Variants in CTCF observed in about 807,000 individuals in gnomAD.
CTCF encodes the protein CCCTC-binding factor.
Under a neutral mutation model 72.3 loss-of-function variants are expected in CTCF, and 7 were observed. The observed-to-expected ratio is 0.10, with a 90% CI of 0.06 to 0.18. The LOEUF is 0.18. Ranked by LOEUF, CTCF falls within the 10% of genes least tolerant of loss-of-function variation. The probability of loss-of-function intolerance (pLI) is 1.00; values close to 1 mark genes in which losing one functional copy is unlikely to be tolerated. For missense variants in CTCF, 516 were observed against 949.1 expected (o/e 0.54, Z 6.00); for synonymous variants, 374 against 315.8 (o/e 1.18, Z -1.95).
intron 2 of CTCF, among the ~76,000 whole-genome samples, chr16:67,608,949 C>T (rs1457308397): frequency 2.6e-5 from 4 of 152,108 alleles, no homozygotes; most frequent in Non-Finnish European, 5.9e-5. Flanking sequence ...CCATGTTGTT[C>T]AGGGTGGTCT....
At chr16:67,589,444 G>A (rs1256152277) in intron 2 of CTCF, among the ~76,000 whole-genome samples, 1 of 152,100 alleles carries the variant, frequency 6.6e-6, no homozygotes, top group Non-Finnish European at 1.5e-5. Flanking sequence ...TCTGTAGTTT[G>A]TCAGGCAAGG....
At chr16:67,565,383 G>T (rs1597670961) in intron 1 of CTCF, among the ~76,000 whole-genome samples, 1 of 151,952 alleles carries the variant, frequency 6.6e-6, no homozygotes. Flanking sequence ...GCCTATTTAA[G>T]AGTAGTTGTG....
At chr16:67,587,385 C>T (rs1166052238) in intron 2 of CTCF, among the ~76,000 whole-genome samples, 7 of 152,058 alleles carry the variant, frequency 4.6e-5, no homozygotes, top group Non-Finnish European at 1.0e-4. Flanking sequence ...GTTAACTTTA[C>T]AGGACAACCC....
chr16:67,596,675 C>T (rs1051345830), intron 2 of CTCF, among the ~76,000 whole-genome samples: 5 of 152,084 alleles, frequency 3.3e-5, no homozygotes, highest in Non-Finnish European at 7.4e-5. Flanking sequence ...ACCTCCACCT[C>T]CCTGGTTCAA....
At chr16:67,575,791 C>G (rs1031676033) in intron 2 of CTCF, among the ~76,000 whole-genome samples, 2 of 151,874 alleles carry the variant, frequency 1.3e-5, no homozygotes, top group African/African-American at 4.8e-5. Context: ...TCGATGACCA[C>G]CAGATAATAC....
At chr16:67,564,966 T>G (rs1253484530) in intron 1 of CTCF, among the ~76,000 whole-genome samples, 1 of 152,144 alleles carries the variant, frequency 6.6e-6, no homozygotes, top group Non-Finnish European at 1.5e-5. Flanking sequence ...ACGGAGAGAA[T>G]AAATTGAGGA....
Position 67,636,791 on chromosome 16 carries a change from C to T in CTCF, c.1939C>T (p.Pro647Ser). Residue 647 changes from proline (P) to serine (S), a missense_variant, in exon 11 of 12, where the codon CCC becomes TCC. By Grantham distance (74) the Pro-to-Ser change is moderately conservative. Around this residue, in one of 7 missense-constraint regions of CTCF, gnomAD observed 157 missense variants for 172.9 expected, o/e 0.91. Transcript: ENST00000264010. ...TCAGCCTGTGACCCCAGCCCCACCA[C>T]CCGCCAAGAAGCGGAGAGGACGACC... is the stretch of plus-strand genomic sequence containing the variant. ...EPQPVTPAPPPAKKRRGRPPG... is the reference protein window; with the variant it reads ...EPQPVTPAPPSAKKRRGRPPG... The T allele has an allele frequency of 1.2e-6, 2 of 1,602,800 alleles. No individual in the cohort carries two copies. The highest frequency in any genetic ancestry group is 1.7e-6 in the Non-Finnish European group (2 of 1,174,590).
intron 1 of CTCF, among the ~76,000 whole-genome samples, chr16:67,565,058 G>A (rs2051324463): frequency 1.3e-5 from 2 of 151,702 alleles, no homozygotes; most frequent in South Asian, 4.2e-4. Context: ...TGGAGTGGCA[G>A]TGGTGCGATC....
chr16:67,567,267 A>C (rs1044095493), intron 1 of CTCF, among the ~76,000 whole-genome samples: 2 of 152,188 alleles, frequency 1.3e-5, no homozygotes, highest in African/African-American at 4.8e-5. Context: ...TAGACTGCCA[A>C]AATACAGTCC....
chr16:67,578,590 C>T (rs2142734722), intron 2 of CTCF, among the ~76,000 whole-genome samples: 1 of 151,498 alleles, frequency 6.6e-6, no homozygotes, highest in East Asian at 2.0e-4. Flanking sequence ...ACCTCGGCCT[C>T]CCAAATTGCT....
intron 10 of CTCF, among the ~76,000 whole-genome samples, chr16:67,631,688 CCCCTTTTTTTTTT>C (rs2142875757): frequency 8.3e-6 from 1 of 120,270 alleles, no homozygotes; most frequent in African/African-American, 2.9e-5. Context: ...CCACCCCCCC[CCCCTTTTTTTTTT>C]CCTTTTTTTA....
At chr16:67,594,288 G>A (rs146488429) in intron 2 of CTCF, among the ~76,000 whole-genome samples, 180 of 151,826 alleles carry the variant, frequency 1.2e-3, no homozygotes, top group Non-Finnish European at 1.3e-3. Context: ...GGAGGCTGAG[G>A]TAGGAGGATC....
intron 2 of CTCF, among the ~76,000 whole-genome samples, chr16:67,575,752 A>G (rs528097791): frequency 1.3e-5 from 2 of 152,110 alleles, no homozygotes; most frequent in South Asian, 2.1e-4. Context: ...CAAGTTGGTT[A>G]TTGTATATAT....
At chr16:67,633,020 G>T (rs1318463763) in intron 10 of CTCF, among the ~76,000 whole-genome samples, 2 of 152,186 alleles carry the variant, frequency 1.3e-5, no homozygotes, top group African/African-American at 4.8e-5. Flanking sequence ...AACAGCCCCA[G>T]ACTGAGGGCA....
At chr16:67,623,240 GCTGCTACAC>G (rs1223398350) in intron 7 of CTCF, 3 of 152,226 alleles carry the variant, frequency 2.0e-5, no homozygotes, top group Non-Finnish European at 2.9e-5. Flanking sequence ...ACAGGCGAGA[GCTGCTACAC>G]CAGATCCCCT....
chr16:67,590,960 C>CAAA (rs58183374), intron 2 of CTCF, among the ~76,000 whole-genome samples: 27 of 55,124 alleles, frequency 4.9e-4, no homozygotes, highest in African/African-American at 7.8e-4. Context: ...GACTCTGTCT[C>CAAA]AAAAAAAAAA....
chr16:67,596,680 G>A (rs1420541350), intron 2 of CTCF, among the ~76,000 whole-genome samples: 1 of 152,036 alleles, frequency 6.6e-6, no homozygotes, highest in East Asian at 1.9e-4. Flanking sequence ...CACCTCCCTG[G>A]TTCAAGCAAT....
intron 2 of CTCF, among the ~76,000 whole-genome samples, chr16:67,597,596 C>G (rs565479786): frequency 3.3e-5 from 5 of 152,188 alleles, no homozygotes; most frequent in East Asian, 1.9e-4. Context: ...CTTGGCCTCC[C>G]GAAGTGCTGA....
At chr16:67,633,240 G>GT (rs1441291110) in intron 10 of CTCF, among the ~76,000 whole-genome samples, 7 of 144,164 alleles carry the variant, frequency 4.9e-5, no homozygotes, top group African/African-American at 2.0e-4. Context: ...AATGAGTTCC[G>GT]TGAGTCCTGT....
Sources: gnomAD v4.1 joint callset for allele counts (sites outside exome capture counted in the v4.1 genomes callset) on GRCh38, gnomAD v4.1.1 for gene constraint, gnomAD v4.1.1 regional missense constraint, MANE v1.5 for transcripts, NCBI Gene and HGNC (gene_info 2026-07-23, HGNC 2026-07-21) for gene names.